Variants in MYH4 observed in about 807,000 individuals in gnomAD.
MYH4 encodes the protein myosin heavy chain 4.
In MYH4, 200 loss-of-function variants were observed where a neutral mutation model predicts 229.9. That is an observed-to-expected ratio of 0.87 (90% confidence interval 0.78 to 0.98). The LOEUF is 0.98. MYH4 is among the 50% of genes least tolerant of loss of function. The probability of loss-of-function intolerance (pLI) is 0.00; values close to 1 mark genes in which losing one functional copy is unlikely to be tolerated. For missense variants in MYH4, 2,148 were observed against 2,332.6 expected (o/e 0.92, Z 1.63); for synonymous variants, 761 against 834.6 (o/e 0.91, Z 1.52).
At position 10,453,321 on chromosome 17, in the gene MYH4, T is replaced by C; in HGVS notation, c.2942A>G (p.Asn981Ser). 1 of 1,613,524 alleles carries C rather than the reference T, an allele frequency of 6.2e-7. No homozygotes were observed. Among genetic ancestry groups the C allele is most frequent in the Non-Finnish European group, 8.5e-7 (1 of 1,179,932 alleles). The change falls in exon 24 of 40, where the codon AAC becomes AGC. Residue 981 changes from asparagine (N) to serine (S), a missense_variant. Transcript: ENST00000255381. ...EKHATENKVK[N>S]LTEEMAGLDE... ...CAGACCTGCCATCTCTTCTGTGAGG[T>C]TTTTCACCTTTAGATTAGAACAGAT...
intron 17 of MYH4, 90 bp downstream of exon 17, chr17:10,456,395 T>G: frequency 9.3e-7 from 1 of 1,070,090 alleles, no homozygotes; most frequent in Non-Finnish European, 1.4e-6. Context: ...TTATTCACTT[T>G]CACCATAAAT....
Position 10,453,285 on chromosome 17 carries a change from A to G in MYH4, c.2978T>C (p.Ile993Thr). ...TEEMAGLDET[I>T]AKLTKEKKAL... ...CTTCTTCTCCTTGGTCAGCTTAGCAATGGTTTCATCCAGACCTGCCATCTC... is the reference window on the plus strand; with the variant it reads ...CTTCTTCTCCTTGGTCAGCTTAGCAGTGGTTTCATCCAGACCTGCCATCTC... The change falls in exon 24 of 40, where the codon ATT (isoleucine) becomes ACT (threonine). Residue 993 changes from isoleucine to threonine, a missense_variant. By Grantham distance (89) the Ile-to-Thr change is moderately conservative. Transcript: ENST00000255381. The G allele has an allele frequency of 6.2e-7, 1 of 1,613,996 alleles. No homozygotes were observed. Among genetic ancestry groups the G allele is most frequent in the Non-Finnish European group, 8.5e-7 (1 of 1,180,002 alleles).
rs748749720 is a variant in MYH4 at position 10,450,849 on chromosome 17, C to G, written c.3912G>C (p.Gln1304His). Reference protein sequence around the residue: ...QLDEKDAMVSQLSRGKQAFTQ... With the variant: ...QLDEKDAMVSHLSRGKQAFTQ... ...TAAATGCTTGTTTGCCTCGGGATAG[C>G]TGAGAAACCATAGCATCTTTTTCAT... The change falls in exon 29 of 40, where the codon CAG (glutamine) becomes CAC (histidine). Residue 1304 changes from glutamine (Q) to histidine (H), a missense_variant. By Grantham distance (24) the Gln-to-His change is conservative. Coordinates refer to ENST00000255381, the MANE Select transcript of MYH4 (RefSeq NM_017533.2). The G allele has an allele frequency of 6.2e-7, 1 of 1,614,106 alleles. No homozygotes were observed. Among genetic ancestry groups the G allele is most frequent in the Non-Finnish European group, 8.5e-7 (1 of 1,180,006 alleles).
Position 10,451,315 on chromosome 17 carries a change from T to C in MYH4, c.3865+11A>G. On this transcript the variant is annotated intron_variant, in intron 28 of 39. Transcript: ENST00000255381. ...CACCTCTCCGAAGGTTGATGCTATTTATTTACTGACCTGATTCTGTGTGTA... is the reference window on the plus strand; with the variant it reads ...CACCTCTCCGAAGGTTGATGCTATTCATTTACTGACCTGATTCTGTGTGTA... 1 of 1,612,976 alleles carries C rather than the reference T, an allele frequency of 6.2e-7. No individual in the cohort carries two copies. The highest frequency in any genetic ancestry group is 8.5e-7 in the Non-Finnish European group (1 of 1,179,746).
chr17:10,466,473 C>CA (rs2072768673), intron 3 of MYH4, 57 bp from the exon 4 acceptor site: 8 of 1,611,674 alleles, frequency 5.0e-6, no homozygotes, highest in Admixed American at 1.7e-5. Context: ...AAAGCCAGGT[C>CA]AAAAAAATAT....
In MYH4 at chr17:10,448,376, T is replaced by A. The variant is rs747976101; in HGVS notation, c.4656+20A>T. On this transcript the variant is annotated intron_variant, in intron 33 of 39. Transcript: ENST00000255381. ...TTTCAATTTATTTATAATGCAGAGC[T>A]AAGCAAATGAAAAATGTACCTCTGC... 1 of 1,604,686 alleles carries A rather than the reference T, an allele frequency of 6.2e-7. No individual in the cohort carries two copies.
intron 9 of MYH4, 37 bp from the exon 10 acceptor site, chr17:10,463,225 C>T: frequency 6.3e-7 from 1 of 1,575,242 alleles, no homozygotes; most frequent in Non-Finnish European, 8.7e-7. Flanking sequence ...AAGAAGATGC[C>T]ACAGTGAAAA....
intron 7 of MYH4, 70 bp from the exon 8 acceptor site, chr17:10,463,713 C>T: frequency 1.7e-6 from 2 of 1,205,008 alleles, no homozygotes; most frequent in African/African-American, 1.5e-5. Context: ...ACCTCTTTCC[C>T]TTCCCCATTG....
Position 10,455,720 on chromosome 17 carries a change from G to A in MYH4, c.2068C>T (p.His690Tyr). ...NETKTPGAME[H>Y]ELVLHQLRCN... Reference sequence around the variant, plus strand: ...CTCAGCTGATGCAGGACAAGCTCATGCTCCATGGCACCTAAGAGAATGAAT... The same window carrying A: ...CTCAGCTGATGCAGGACAAGCTCATACTCCATGGCACCTAAGAGAATGAAT... The change falls in exon 19 of 40, where the codon CAT (histidine) becomes TAT (tyrosine). Residue 690 changes from histidine (H) to tyrosine (Y), a missense_variant. Coordinates refer to ENST00000255381, the MANE Select transcript of MYH4 (RefSeq NM_017533.2). 3 of 1,614,142 alleles carry A rather than the reference G, an allele frequency of 1.9e-6. No individual in the cohort carries two copies. Among genetic ancestry groups the A allele is most frequent in the Non-Finnish European group, 2.5e-6 (3 of 1,180,022 alleles).
At chr17:10,444,731 T>C (rs554344219) in intron 38 of MYH4, 32 bp from the exon 39 acceptor site, 182 of 1,612,682 alleles carry the variant, frequency 1.1e-4, no homozygotes, top group Non-Finnish European at 1.5e-4. Context: ...GGTGCCATTA[T>C]TTTAAAACAA....
rs2072695331 is a variant in MYH4, at chr17:10,460,948, C to G, written c.1115G>C (p.Arg372Thr). Reference sequence around the variant, plus strand: ...GCCATCTGGCTCTGCCTGCTCTTCCCTTTGCTTTTGCTTGAATTTCATGTT... The same window carrying G: ...GCCATCTGGCTCTGCCTGCTCTTCCGTTTGCTTTTGCTTGAATTTCATGTT... ...YGNMKFKQKQ[R>T]EEQAEPDGTE... The change falls in exon 12 of 40, where the codon AGG becomes ACG. Residue 372 changes from arginine (R) to threonine (T), a missense_variant. By Grantham distance (71) the Arg-to-Thr change is moderately conservative. Transcript: ENST00000255381. 3 of 1,613,964 alleles carry G rather than the reference C, an allele frequency of 1.9e-6. No homozygotes were observed. Among genetic ancestry groups the G allele is most frequent in the African/African-American group, 1.3e-5 (1 of 74,908 alleles).
chr17:10,463,152 T>G lies in MYH4; in HGVS notation c.842A>C (p.Lys281Thr), dbSNP rs1178468943. The G allele has an allele frequency of 4.3e-6, 7 of 1,613,490 alleles. No homozygotes were observed. Among genetic ancestry groups the G allele is most frequent in the Non-Finnish European group, 5.9e-6 (7 of 1,179,726 alleles). Residue 281 changes from lysine to threonine, a missense_variant, in exon 10 of 40, where the codon AAG (lysine) becomes ACG (threonine). Physicochemically the swap from Lys to Thr is moderately conservative, Grantham distance 78. Transcript: ENST00000255381. Reference sequence around the variant, plus strand: ...AAATATGTGGTAGCTTCTTTCAGCCTTTAGCTGAAAAGTAACTCGGGACTT... The same window carrying G: ...AAATATGTGGTAGCTTCTTTCAGCCGTTAGCTGAAAAGTAACTCGGGACTT... ...LEKSRVTFQL[K>T]AERSYHIFYQ...
chr17:10,466,468 C>G lies in MYH4; in HGVS notation c.205-52G>C, dbSNP rs746010380. ...ATATCAAATAAGTAGCAGAAAAAGC[C>G]AGGTCAAAAAAATATCACCTAAATT... On this transcript the variant is annotated intron_variant, in intron 3 of 39. Coordinates refer to ENST00000255381, the MANE Select transcript of MYH4 (RefSeq NM_017533.2). 6 of 1,612,040 alleles carry G rather than the reference C, an allele frequency of 3.7e-6. No homozygotes were observed. The South Asian group carries it at 6.6e-5, about 18-fold the overall frequency.
rs144778193 is a variant in MYH4 at position 10,455,004 on chromosome 17, C to T, written c.2372G>A (p.Arg791His). The change falls in exon 21 of 40, where the codon CGC (arginine) becomes CAC (histidine). Residue 791 changes from arginine (R) to histidine (H), a missense_variant. Physicochemically the swap from Arg to His is conservative, Grantham distance 29. Coordinates refer to ENST00000255381, the MANE Select transcript of MYH4 (RefSeq NM_017533.2). Reference sequence around the variant, plus strand: ...GAACCCTCTGCATATGGCTTGAGTGCGCGTGATGAGTTGAGCTAGCTTTTC... The same window carrying T: ...GAACCCTCTGCATATGGCTTGAGTGTGCGTGATGAGTTGAGCTAGCTTTTC... ...RDEKLAQLIT[R>H]TQAICRGFLM... 2.4e-5 allele frequency: 39 copies of T among 1,614,132 alleles called. No individual in the cohort carries two copies. Among genetic ancestry groups the T allele is most frequent in the Non-Finnish European group, 2.9e-5 (34 of 1,180,022 alleles).
At chr17:10,451,707 A>C (rs1690071897) in intron 27 of MYH4, among the ~76,000 whole-genome samples, 1 of 152,114 alleles carries the variant, frequency 6.6e-6, no homozygotes, top group East Asian at 1.9e-4. Flanking sequence ...TTTTAGATAA[A>C]CCTTTTTTGT....
At position 10,450,483 on chromosome 17, in the gene MYH4, A is replaced by G. The variant is rs2072560154; in HGVS notation, c.4151T>C (p.Ile1384Thr). 6.2e-7 allele frequency: 1 copy of G among 1,614,000 alleles called. No homozygotes were observed. Residue 1384 changes from isoleucine to threonine, a missense_variant, in exon 30 of 40, where the codon ATC becomes ACC. Ile to Thr is a moderately conservative substitution (Grantham distance 89, BLOSUM62 -1). Coordinates refer to ENST00000255381, the MANE Select transcript of MYH4 (RefSeq NM_017533.2). ...QWRTKYETDA[I>T]QRTEELEEAK... ...CTCCTCCAGCTCCTCTGTGCGCTGG[A>G]TGGCGTCCGTCTCGTACTTGGTCCT...
chr17:10,448,853 C>T lies in MYH4; in HGVS notation c.4365+11G>A, dbSNP rs1459289604. 6.2e-7 allele frequency: 1 copy of T among 1,613,906 alleles called. No individual in the cohort carries two copies. Among genetic ancestry groups the T allele is most frequent in the Non-Finnish European group, 8.5e-7 (1 of 1,179,938 alleles). ...CAGTTTCCCCCAAGGGGAGCTGGTA[C>T]TGTGGACCACCTTGTCAAAGTTTCT... On this transcript the variant is annotated intron_variant, in intron 31 of 39. Coordinates refer to ENST00000255381, the MANE Select transcript of MYH4 (RefSeq NM_017533.2).
chr17:10,454,421 C>T, intron 22 of MYH4, 134 bp downstream of exon 22: 1 of 1,189,100 alleles, frequency 8.4e-7, no homozygotes, highest in Non-Finnish European at 1.2e-6. Context: ...GACTTTGCAT[C>T]TATTGCTTCT....
intron 11 of MYH4, among the ~76,000 whole-genome samples, chr17:10,461,649 T>C (rs1219252238): frequency 1.3e-5 from 2 of 152,124 alleles, no homozygotes; most frequent in Non-Finnish European, 1.5e-5. Context: ...GGTAGCAAAC[T>C]TTACCTAGTT....
Sources: gnomAD v4.1 joint callset for allele counts (sites outside exome capture counted in the v4.1 genomes callset) on GRCh38, gnomAD v4.1.1 for gene constraint, MANE v1.5 for transcripts, NCBI Gene and HGNC (gene_info 2026-07-23, HGNC 2026-07-21) for gene names.